DVL1: variants seen among roughly 807,000 people sequenced by gnomAD.
DVL1 encodes the protein segment polarity protein dishevelled homolog DVL-1.
DVL1 carries 49 observed loss-of-function variants against 65.0 expected under a neutral mutation model. That is an observed-to-expected ratio of 0.75 (90% CI 0.60 to 0.96). The LOEUF is 0.96. Among genes scored for constraint, DVL1 ranks in the 40% least tolerant of loss-of-function variants. The pLI, the probability that DVL1 is intolerant of heterozygous loss-of-function variation, is 0.00. For missense variants in DVL1, 1,197 were observed against 1,045.4 expected, an observed-to-expected ratio of 1.15 and a Z score of -2.00; for synonymous variants, 608 against 433.9, an observed-to-expected ratio of 1.40 and a Z score of -4.99.
intron 2 of DVL1, 24 bp downstream of exon 2, chr1:1,342,665 C>T (rs1483571633): frequency 7.4e-6 from 12 of 1,611,466 alleles, no homozygotes; most frequent in South Asian, 3.3e-5. Context: ...GGCGAGCCTT[C>T]GGGGCCAAGA....
chr1:1,340,175 T>C lies in DVL1; in HGVS notation c.772A>G (p.Arg258Gly). ...ATGCTGATGCCCAGAAAGTGATGTC[T>C]TTCTGCAGGAAGAGCCATGAGCCGC... ...NIVTVTLNMERHHFLGISIVG... is the reference protein window; with the variant it reads ...NIVTVTLNMEGHHFLGISIVG... The change falls in exon 8 of 15, where the codon AGA (arginine) becomes GGA (glycine). Residue 258 changes from arginine (R) to glycine (G), a missense_variant and splice_region_variant. Coordinates refer to ENST00000378888, the MANE Select transcript of DVL1 (RefSeq NM_001330311.2). 1.2e-6 allele frequency: 2 copies of C among 1,613,706 alleles called. No individual in the cohort carries two copies. Among genetic ancestry groups the C allele is most frequent in the Non-Finnish European group, 1.7e-6 (2 of 1,179,978 alleles).
Position 1,338,434 on chromosome 1 carries a change from C to T in DVL1, c.1342G>A (p.Ala448Thr), listed in dbSNP as rs1224200697. The change falls in exon 13 of 15, where the codon GCG (alanine) becomes ACG (threonine). Residue 448 changes from alanine to threonine, a missense_variant and splice_region_variant. Ala to Thr is a moderately conservative substitution (Grantham distance 58). Transcript: ENST00000378888. ...GTGTACAGCCAGTCCACCACGTCCG[C>T]CCCTGGCCGGCACCAGCGGTCAGCC... ...KITIANAVIGADVVDWLYTHV... is the reference protein window; with the variant it reads ...KITIANAVIGTDVVDWLYTHV... 1 of 1,609,922 alleles carries T rather than the reference C, an allele frequency of 6.2e-7. No homozygotes were observed. The highest frequency in any genetic ancestry group is 1.3e-5 in the African/African-American group (1 of 75,016).
chr1:1,344,057 G>T (rs927247046), intron 1 of DVL1, among the ~76,000 whole-genome samples: 1 of 152,296 alleles, frequency 6.6e-6, no homozygotes, highest in Non-Finnish European at 1.5e-5. Context: ...CGGCACAGAG[G>T]GGATGGCTGG....
At chr1:1,347,675 C>A (rs752934397) in intron 1 of DVL1, among the ~76,000 whole-genome samples, 1 of 152,246 alleles carries the variant, frequency 6.6e-6, no homozygotes, top group Non-Finnish European at 1.5e-5. Flanking sequence ...GCAGCCCAGG[C>A]CCAGAGAAGC....
chr1:1,338,229 T>TTGGCCGC, intron 13 of DVL1, 40 bp downstream of exon 13: 6 of 1,522,344 alleles, frequency 3.9e-6, no homozygotes, highest in Non-Finnish European at 3.6e-6. Flanking sequence ...CCTCCGGCGT[T>TTGGCCGC]CCCCTCCCCC....
chr1:1,335,786 T>C lies in DVL1; in HGVS notation c.*356A>G. ...CAGGGGGCCTGTGCACCGCAGGGGG[T>C]TGCCCCGCATGGACCACCCTGGGGG... is the stretch of plus-strand genomic sequence containing the variant. On this transcript the variant is annotated 3_prime_UTR_variant, in exon 15 of 15. Transcript: ENST00000378888. 3.4e-6 allele frequency: 1 copy of C among 296,638 alleles called. No homozygotes were observed. 18.4% of individuals were successfully genotyped at this position (296,638 alleles called of 1,614,324 possible).
intron 1 of DVL1, among the ~76,000 whole-genome samples, chr1:1,344,303 G>A (rs1479390745): frequency 1.3e-5 from 2 of 152,218 alleles, no homozygotes; most frequent in South Asian, 2.1e-4. Flanking sequence ...CCTTGTGGCT[G>A]CTAGTCCCAC....
At chr1:1,339,011 C>G (rs933846250) in intron 11 of DVL1, among the ~76,000 whole-genome samples, 1 of 152,188 alleles carries the variant, frequency 6.6e-6, no homozygotes, top group African/African-American at 2.4e-5. Flanking sequence ...TGGCAGGAAG[C>G]AGAATGGAGA....
At position 1,342,707 on chromosome 1, in the gene DVL1, G is replaced by A. The variant is rs373414538; in HGVS notation, c.222C>T (p.Asn74=). 31 of 1,612,978 alleles carry A rather than the reference G, an allele frequency of 1.9e-5. No individual in the cohort carries two copies. Among genetic ancestry groups the A allele is most frequent in the Admixed American group, 1.2e-4 (7 of 59,984 alleles). ...GGCTCACCCAGGAGACCACGCGGCC[G>A]TTGAAGCAGGGAAGCTTGGCATTGT... ...FDDNAKLPCF[N]GRVVSWLVLA... The change falls in exon 2 of 15, where the codon AAC becomes AAT. Residue 74 remains asparagine, a synonymous_variant. Coordinates refer to ENST00000378888, the MANE Select transcript of DVL1 (RefSeq NM_001330311.2).
chr1:1,343,265 C>A (rs554318700), intron 1 of DVL1, among the ~76,000 whole-genome samples: 1,679 of 149,712 alleles, frequency 0.011, 49 homozygotes, highest in African/African-American at 0.04. Flanking sequence ...GAGCCCCCCC[C>A]CCCCAGGGCT....
chr1:1,338,777 C>T (rs1643680309), intron 11 of DVL1, 124 bp from the exon 12 acceptor site: 1 of 1,425,098 alleles, frequency 7.0e-7, no homozygotes, highest in South Asian at 1.4e-5. Context: ...CGGTGCGTGA[C>T]AGCAGGGCCC....
intron 1 of DVL1, among the ~76,000 whole-genome samples, chr1:1,345,463 G>A (rs1643901965): frequency 2.0e-5 from 3 of 152,210 alleles, no homozygotes; most frequent in Admixed American, 2.0e-4. Context: ...CTGGAGGCTG[G>A]CCAGGCATTG....
chr1:1,341,213 G>A lies in DVL1; in HGVS notation c.605+454C>T, dbSNP rs201848892. ...TCTGCACACGCACACCTGCACACAC[G>A]CACACGCACACATGCACACACCTGC... On this transcript the variant is annotated intron_variant, in intron 5 of 14. Coordinates refer to ENST00000378888, the MANE Select transcript of DVL1 (RefSeq NM_001330311.2). Among the ~76,000 whole-genome samples, 29 of 149,668 alleles carry A rather than the reference G, an allele frequency of 1.9e-4. No homozygotes were observed. The East Asian group carries it at 4.3e-3, about 22-fold the overall frequency.
intron 14 of DVL1, 125 bp downstream of exon 14, chr1:1,337,852 G>C: frequency 3.9e-6 from 3 of 778,542 alleles, no homozygotes; most frequent in Non-Finnish European, 6.6e-6. Flanking sequence ...GAGCAGCAGC[G>C]GGGTGGGGTG....
intron 14 of DVL1, 87 bp downstream of exon 14, chr1:1,337,890 G>C: frequency 6.9e-6 from 7 of 1,013,896 alleles, no homozygotes; most frequent in Non-Finnish European, 7.4e-6. Context: ...GCAGCGGGGT[G>C]GGGTGGAACT....
At chr1:1,338,760 A>T in intron 11 of DVL1, 107 bp from the exon 12 acceptor site, 2 of 1,471,324 alleles carry the variant, frequency 1.4e-6, no homozygotes, top group Non-Finnish European at 1.8e-6. Context: ...CCAGGGCGCA[A>T]GCTGGACGGT....
intron 1 of DVL1, among the ~76,000 whole-genome samples, chr1:1,346,226 C>T (rs747897149): frequency 1.4e-4 from 22 of 152,162 alleles, no homozygotes; most frequent in Non-Finnish European, 2.6e-4. Context: ...GTCACAACAC[C>T]GAGGCCCATG....
intron 5 of DVL1, among the ~76,000 whole-genome samples, chr1:1,341,273 C>G (rs1033813489): frequency 2.6e-5 from 4 of 151,618 alleles, no homozygotes; most frequent in African/African-American, 4.9e-5. Context: ...CTCACGTGCA[C>G]ACTGTGAAAA....
chr1:1,341,659 C>A lies in DVL1; in HGVS notation c.605+8G>T. 1 of 1,599,232 alleles carries A rather than the reference C, an allele frequency of 6.3e-7. No individual in the cohort carries two copies. The highest frequency in any genetic ancestry group is 8.6e-7 in the Non-Finnish European group (1 of 1,169,200). On this transcript the variant is annotated splice_region_variant and intron_variant, in intron 5 of 14. Transcript: ENST00000378888. ...CAGGCATACACGCCCACAGACACTC[C>A]CACACACCTGCTCGTGCTGCCATCC...
Sources: allele counts gnomAD v4.1 joint callset (sites outside exome capture counted in the v4.1 genomes callset), GRCh38; gene constraint gnomAD v4.1.1; transcripts MANE v1.5; gene names NCBI Gene and HGNC (gene_info 2026-07-23, HGNC 2026-07-21).